The following MYOZ1 variants were observed in gnomAD, a reference collection of about 807,000 sequenced individuals.
MYOZ1 encodes the protein myozenin-1.
In MYOZ1, 20 loss-of-function variants were observed where a neutral mutation model predicts 28.7. The observed-to-expected ratio is 0.70, with a 90% CI of 0.49 to 1.01. MYOZ1 has a LOEUF of 1.01. Ranked by LOEUF, MYOZ1 falls within the 50% of genes least tolerant of loss-of-function variation. MYOZ1 has a pLI of 0.00. For synonymous variants in MYOZ1, 144 were observed against 145.8 expected (o/e 0.99, Z 0.09); for missense variants, 371 against 372.4 (o/e 1.00, Z 0.03).
rs1184077368 is a variant in MYOZ1, at chr10:73,634,492, G to A, written c.494C>T (p.Thr165Ile). 1.2e-6 allele frequency: 2 copies of A among 1,614,042 alleles called. No individual in the cohort carries two copies. The highest frequency in any genetic ancestry group is 4.5e-5 in the East Asian group (2 of 44,884). ...GAAGTAGVGE[T>I]GSGDQAGGEG... is the part of the protein sequence containing the mutation. ...TGGGTGAGTGTACTTGCCTGATCCT[G>A]TCTCACCAACCCCTGCTGTGCCAGC... The change falls in exon 4 of 6, where the codon ACA (threonine) becomes ATA (isoleucine). Residue 165 changes from threonine to isoleucine, a missense_variant. By Grantham distance (89) the Thr-to-Ile change is moderately conservative (BLOSUM62 -1). Coordinates refer to ENST00000359322, the MANE Select transcript of MYOZ1 (RefSeq NM_021245.4).
rs2132403435 is a variant in MYOZ1, at chr10:73,631,792, G to A, written c.*138C>T. 1.3e-6 allele frequency: 1 copy of A among 745,674 alleles called. No individual in the cohort carries two copies. Among genetic ancestry groups the A allele is most frequent in the Non-Finnish European group, 2.2e-6 (1 of 454,896 alleles). The allele number at this position is 745,674 out of a possible 1,614,324, so 46.2% of individuals were successfully genotyped here. On this transcript the variant is annotated 3_prime_UTR_variant, in exon 6 of 6. Transcript: ENST00000359322. The stretch of plus-strand genomic sequence containing the variant: ...CGTGGAGTGGGGACTTGGAGTAAAG[G>A]ATGGAAAGGTAGATCTCTCCTTTTT...
chr10:73,632,021 C>A lies in MYOZ1; in HGVS notation c.809G>T (p.Arg270Leu), dbSNP rs147643592. The change falls in exon 6 of 6, where the codon CGA becomes CTA. Residue 270 changes from arginine to leucine, a missense_variant. Physicochemically the swap from Arg to Leu is moderately radical, Grantham distance 102. Coordinates refer to ENST00000359322, the MANE Select transcript of MYOZ1 (RefSeq NM_021245.4). Reference sequence around the variant, plus strand: ...AGAGCTCAGCCAGGGAATAGGGGTTCGATTGAAAGAAGGCCTGTTGGAGAG... The same window carrying A: ...AGAGCTCAGCCAGGGAATAGGGGTTAGATTGAAAGAAGGCCTGTTGGAGAG... ...QNLSNRPSFN[R>L]TPIPWLSSGE... 1.2e-6 allele frequency: 2 copies of A among 1,613,988 alleles called. No individual in the cohort carries two copies. The highest frequency in any genetic ancestry group is 8.5e-7 in the Non-Finnish European group (1 of 1,180,006).
chr10:73,640,350 A>G (rs546289014), intron 1 of MYOZ1, among the ~76,000 whole-genome samples: 10 of 152,066 alleles, frequency 6.6e-5, no homozygotes, highest in Non-Finnish European at 1.5e-4. Context: ...TGGTTTTGCC[A>G]TGTTGCCCAG....
intron 3 of MYOZ1, 64 bp downstream of exon 3, chr10:73,637,680 G>T: frequency 6.8e-7 from 1 of 1,468,160 alleles, no homozygotes; most frequent in Non-Finnish European, 9.3e-7. Context: ...GAGGTTCAGG[G>T]CCTACTAACA....
chr10:73,636,455 A>AT (rs2081667675), intron 3 of MYOZ1, among the ~76,000 whole-genome samples: 1 of 140,586 alleles, frequency 7.1e-6, no homozygotes, highest in Non-Finnish European at 1.5e-5. Flanking sequence ...TGCACAACAA[A>AT]TTTTTATTTT....
At chr10:73,636,627 T>C (rs534630191) in intron 3 of MYOZ1, among the ~76,000 whole-genome samples, 1 of 152,176 alleles carries the variant, frequency 6.6e-6, no homozygotes, top group Non-Finnish European at 1.5e-5. Context: ...AGCTAACTTT[T>C]TAATTTTTTG....
At chr10:73,638,875 G>A (rs1290442016) in intron 2 of MYOZ1, among the ~76,000 whole-genome samples, 3 of 149,958 alleles carry the variant, frequency 2.0e-5, no homozygotes, top group Non-Finnish European at 3.0e-5. Flanking sequence ...CATGTTGGCC[G>A]GGCTGGTCTT....
chr10:73,640,324 A>AT (rs973808967), intron 1 of MYOZ1, among the ~76,000 whole-genome samples: 1 of 151,888 alleles, frequency 6.6e-6, no homozygotes, highest in African/African-American at 2.4e-5. Context: ...TAATTTTTGT[A>AT]TTTTTTGTAG....
At chr10:73,641,209 C>T (rs1046683489) in intron 1 of MYOZ1, among the ~76,000 whole-genome samples, 3 of 152,102 alleles carry the variant, frequency 2.0e-5, no homozygotes, top group East Asian at 1.9e-4. Context: ...GTGCCTCCCC[C>T]GACATCTCCA....
intron 2 of MYOZ1, among the ~76,000 whole-genome samples, chr10:73,639,699 C>G (rs539985881): frequency 5.9e-5 from 9 of 152,282 alleles, no homozygotes; most frequent in Non-Finnish European, 1.0e-4. Flanking sequence ...TCCTGTGGTC[C>G]TGGACCTGTG....
chr10:73,634,490 C>G lies in MYOZ1; in HGVS notation c.496G>C (p.Gly166Arg). ...AAGTAGVGET[G>R]SGDQAGGEGK... ...CTTGGGTGAGTGTACTTGCCTGATCCTGTCTCACCAACCCCTGCTGTGCCA... is the reference window on the plus strand; with the variant it reads ...CTTGGGTGAGTGTACTTGCCTGATCGTGTCTCACCAACCCCTGCTGTGCCA... The change falls in exon 4 of 6, where the codon GGA becomes CGA. Residue 166 changes from glycine to arginine, a missense_variant. Transcript: ENST00000359322. The G allele has an allele frequency of 1.9e-6, 3 of 1,614,050 alleles. No individual in the cohort carries two copies. The highest frequency in any genetic ancestry group is 2.5e-6 in the Non-Finnish European group (3 of 1,180,016).
chr10:73,635,554 A>ATT (rs796385677), intron 3 of MYOZ1, among the ~76,000 whole-genome samples: 3 of 144,574 alleles, frequency 2.1e-5, no homozygotes. Context: ...TAAATTTTGT[A>ATT]TTTTTTTTTT....
intron 5 of MYOZ1, 71 bp from the exon 6 acceptor site, chr10:73,632,232 C>T: frequency 7.4e-7 from 1 of 1,359,070 alleles, no homozygotes; most frequent in South Asian, 1.2e-5. Context: ...GAGATGCTAC[C>T]CTCTTTGAGA....
In MYOZ1 at chr10:73,632,060, A is replaced by G. The variant is rs1589444686; in HGVS notation, c.770T>C (p.Leu257Pro). 2 of 1,614,164 alleles carry G rather than the reference A, an allele frequency of 1.2e-6. No homozygotes were observed. Among genetic ancestry groups the G allele is most frequent in the African/African-American group, 2.7e-5 (2 of 75,030 alleles). ...CCTGTTGGAGAGGTTTTGGTTGTAGAGGACCAGGGGTTCACTCAGCAAGGG... is the reference window on the plus strand; with the variant it reads ...CCTGTTGGAGAGGTTTTGGTTGTAGGGGACCAGGGGTTCACTCAGCAAGGG... ...LGPLLSEPLV[L>P]YNQNLSNRPS... The change falls in exon 6 of 6, where the codon CTC (leucine) becomes CCC (proline). Residue 257 changes from leucine (L) to proline (P), a missense_variant. Transcript: ENST00000359322.
chr10:73,635,510 T>G (rs1206807104), intron 3 of MYOZ1, among the ~76,000 whole-genome samples: 2 of 151,932 alleles, frequency 1.3e-5, no homozygotes, highest in African/African-American at 4.8e-5. Context: ...GCCTCTCAAG[T>G]AGCTGGGACT....
chr10:73,634,783 A>G (rs1011395810), intron 3 of MYOZ1, 50 bp from the exon 4 acceptor site: 5 of 1,583,820 alleles, frequency 3.2e-6, no homozygotes, highest in South Asian at 1.1e-5. Flanking sequence ...TATGGAAAAT[A>G]TACAAAAACA....
intron 2 of MYOZ1, among the ~76,000 whole-genome samples, chr10:73,639,109 T>G (rs2081687744): frequency 6.6e-6 from 1 of 151,466 alleles, no homozygotes; most frequent in African/African-American, 2.4e-5. Flanking sequence ...CCCAGCCCTA[T>G]TTGTATTATT....
intron 3 of MYOZ1, among the ~76,000 whole-genome samples, chr10:73,635,194 G>A (rs983412825): frequency 6.6e-6 from 1 of 151,988 alleles, no homozygotes; most frequent in Non-Finnish European, 1.5e-5. Flanking sequence ...AAAGTGCCGG[G>A]ATTACAGGCG....
In MYOZ1 at chr10:73,634,630, C is replaced by A. The variant is rs772893553; in HGVS notation, c.356G>T (p.Gly119Val). The change falls in exon 4 of 6, where the codon GGG becomes GTG. Residue 119 changes from glycine (G) to valine (V), a missense_variant. Transcript: ENST00000359322. The stretch of plus-strand genomic sequence containing the variant: ...ATACTGTCCGGCAGAGCCACTGCCC[C>A]CTGCCTGGCTGCCGCCTCTGCCGTT... ...KSNGRGGSQA[G>V]GSGSAGQYGS... 1 of 1,614,098 alleles carries A rather than the reference C, an allele frequency of 6.2e-7. No individual in the cohort carries two copies. The highest frequency in any genetic ancestry group is 1.3e-5 in the African/African-American group (1 of 74,936).
Sources: allele counts gnomAD v4.1 joint callset (sites outside exome capture counted in the v4.1 genomes callset), GRCh38; gene constraint gnomAD v4.1.1; transcripts MANE v1.5; gene names NCBI Gene and HGNC (gene_info 2026-07-23, HGNC 2026-07-21).